Variants in NR3C1 observed in about 807,000 individuals in gnomAD.
NR3C1 encodes the protein glucocorticoid receptor.
A neutral mutation model predicts 74.0 loss-of-function variants in NR3C1; 14 were observed. That is an observed-to-expected ratio of 0.19 (90% confidence interval 0.12 to 0.30). NR3C1 has a LOEUF of 0.30. Among genes scored for constraint, NR3C1 ranks in the 10% least tolerant of loss-of-function variants. NR3C1 has a pLI of 1.00. For synonymous variants in NR3C1, 308 were observed against 332.5 expected (o/e 0.93, Z 0.80); for missense variants, 695 against 909.8 (o/e 0.76, Z 3.04).
upstream of NR3C1, chr5:143,405,353 G>A (rs1225100186): frequency 4.1e-6 from 4 of 985,580 alleles, no homozygotes; most frequent in African/African-American, 3.5e-5. Context: ...CGCTCAGACT[G>A]ACGGCGGCTC....
At chr5:143,383,630 C>A (rs998616018) in intron 2 of NR3C1, among the ~76,000 whole-genome samples, 2 of 152,132 alleles carry the variant, frequency 1.3e-5, no homozygotes, top group Admixed American at 6.5e-5. Context: ...ATAAGTGGCA[C>A]TAAATTGGTC....
chr5:143,386,435 G>A (rs1443480157), intron 2 of NR3C1, among the ~76,000 whole-genome samples: 9 of 152,216 alleles, frequency 5.9e-5, no homozygotes, highest in East Asian at 1.9e-4. Context: ...AATGGGATCC[G>A]CATCTGTTAA....
intron 1 of NR3C1, among the ~76,000 whole-genome samples, chr5:143,424,227 TA>T (rs1313084728): frequency 3.0e-5 from 2 of 66,560 alleles, no homozygotes; most frequent in Non-Finnish European, 5.4e-5. Context: ...ATAAATAAAA[TA>T]AAAAATAAAA....
intron 2 of NR3C1, among the ~76,000 whole-genome samples, chr5:143,327,721 T>G (rs2151682827): frequency 6.6e-6 from 1 of 152,330 alleles, no homozygotes; most frequent in African/African-American, 2.4e-5. Context: ...CCCTTAAATC[T>G]AAAAGCTCCA....
At chr5:143,403,006 T>G (rs4406157) in intron 1 of NR3C1, among the ~76,000 whole-genome samples, 145,397 of 148,144 alleles carry the variant, frequency 0.98, 71,411 homozygotes, top group East Asian at 1. Flanking sequence ...AGGGGACGCC[T>G]GCGGAGGGAG....
intron 7 of NR3C1, among the ~76,000 whole-genome samples, chr5:143,289,501 C>G (rs1815353685): frequency 6.6e-6 from 1 of 152,150 alleles, no homozygotes; most frequent in Admixed American, 6.5e-5. Flanking sequence ...CTTTTTAACC[C>G]TGGATTAAGC....
chr5:143,278,423 A>G lies in NR3C1; in HGVS notation c.*3466T>C, dbSNP rs886060037. On this transcript the variant is annotated 3_prime_UTR_variant, in exon 9 of 9. Transcript: ENST00000394464. Reference sequence around the variant, plus strand: ...ATCAGAAAATAAAATCCTTTCAGACATTTTCTAGAGAGAAGCAAATCCTTT... The same window carrying G: ...ATCAGAAAATAAAATCCTTTCAGACGTTTTCTAGAGAGAAGCAAATCCTTT... The G allele has an allele frequency of 2.0e-5, 3 of 152,172 alleles. No individual in the cohort carries two copies. The highest frequency in any genetic ancestry group is 6.5e-5 in the Admixed American group (1 of 15,274). The allele number at this position is 152,172 out of a possible 1,614,324, so 9.4% of individuals were successfully genotyped here.
intron 1 of NR3C1, among the ~76,000 whole-genome samples, chr5:143,429,100 T>A (rs761792641): frequency 1.3e-5 from 2 of 152,216 alleles, no homozygotes; most frequent in African/African-American, 2.4e-5. Flanking sequence ...CACTGCTTAA[T>A]AATAAATAAC....
intron 1 of NR3C1, chr5:143,402,806 G>C: frequency 2.0e-6 from 2 of 985,470 alleles, no homozygotes; most frequent in Non-Finnish European, 2.4e-6. Context: ...ATTCGGGCGA[G>C]TAAAATTCAG....
chr5:143,282,624 T>C lies in NR3C1; in HGVS notation c.2125A>G (p.Ser709Gly). The stretch of plus-strand genomic sequence containing the variant: ...TGATAAAACCGCTGCCAGTTCTGGC[T>C]GGAGTTTCCTTCCCTCTTGACAATG... ...KAIVKREGNS[S>G]QNWQRFYQLT... The change falls in exon 8 of 9, where the codon AGC (serine) becomes GGC (glycine). Residue 709 changes from serine to glycine, a missense_variant. This residue lies in a region of NR3C1 where 133 missense variants were observed against 287.9 expected (regional missense o/e 0.46). Transcript: ENST00000394464. 1 of 1,614,096 alleles carries C rather than the reference T, an allele frequency of 6.2e-7. No homozygotes were observed. Among genetic ancestry groups the C allele is most frequent in the Non-Finnish European group, 8.5e-7 (1 of 1,179,956 alleles).
At chr5:143,331,622 T>A (rs1825963264) in intron 2 of NR3C1, among the ~76,000 whole-genome samples, 1 of 152,188 alleles carries the variant, frequency 6.6e-6, no homozygotes, top group African/African-American at 2.4e-5. Flanking sequence ...TGAAATCATG[T>A]CCTTTGCGGC....
At chr5:143,282,761 C>A in intron 7 of NR3C1, 36 bp from the exon 8 acceptor site, 12 of 1,530,656 alleles carry the variant, frequency 7.8e-6, no homozygotes, top group Non-Finnish European at 9.7e-6. Flanking sequence ...AAAGGATTTT[C>A]TTTTTCTTTT....
chr5:143,402,763 T>C (rs1840561634), intron 1 of NR3C1: 1 of 985,268 alleles, frequency 1.0e-6, no homozygotes, highest in Non-Finnish European at 1.2e-6. Context: ...GAGCCCGGGC[T>C]CGCGCTCGGG....
In NR3C1 at chr5:143,314,191, T is replaced by A. The variant is rs764495096; in HGVS notation, c.1185-23A>T. 1.6e-5 allele frequency: 25 copies of A among 1,611,650 alleles called. No homozygotes were observed. In the East Asian group the frequency reaches 5.6e-4, roughly 36 times the overall value. The stretch of plus-strand genomic sequence containing the variant: ...GGGCTAAAGAAGGGGAAGAACAGTG[T>A]TATGATTTAACTGTCAAAGGAATAT... On this transcript the variant is annotated intron_variant, in intron 2 of 8. Transcript: ENST00000394464.
chr5:143,419,405 T>TATCC (rs1751098344), intron 1 of NR3C1, among the ~76,000 whole-genome samples: 4 of 152,184 alleles, frequency 2.6e-5, no homozygotes, highest in African/African-American at 9.6e-5. Flanking sequence ...AATGTGGCAT[T>TATCC]CCATGCAATA....
chr5:143,281,860 C>CTTTAAGGCAACCATTCTTATTAA lies in NR3C1; in HGVS notation c.*6_*28dup. 6.2e-7 allele frequency: 1 copy of CTTTAAGGCAACCATTCTTATTAA among 1,606,962 alleles called. No individual in the cohort carries two copies. The highest frequency in any genetic ancestry group is 8.5e-7 in the Non-Finnish European group (1 of 1,174,116). On this transcript the variant is annotated 3_prime_UTR_variant, in exon 9 of 9. Coordinates refer to ENST00000394464, the MANE Select transcript of NR3C1 (RefSeq NM_000176.3). Reference sequence around the variant, plus strand: ...CAATAAAAGCTATTAATTCGACTTTCTTTAAGGCAACCATTCTTATTAAGG... The same window carrying CTTTAAGGCAACCATTCTTATTAA: ...CAATAAAAGCTATTAATTCGACTTTCTTTAAGGCAACCATTCTTATTAATTTAAGGCAACCATTCTTATTAAGG...
intron 2 of NR3C1, among the ~76,000 whole-genome samples, chr5:143,374,832 A>C (rs1200125138): frequency 6.6e-6 from 1 of 151,982 alleles, no homozygotes; most frequent in Non-Finnish European, 1.5e-5. Context: ...TGCCCAGGAT[A>C]CGTTTTTAAG....
intron 2 of NR3C1, among the ~76,000 whole-genome samples, chr5:143,353,829 CACCAACT>C (rs1600208645): frequency 1.3e-5 from 2 of 152,184 alleles, no homozygotes; most frequent in African/African-American, 4.8e-5. Flanking sequence ...AACTTAAAGT[CACCAACT>C]ACATTAGCCC....
rs566977448 is a variant in NR3C1, at chr5:143,280,525, T to C, written c.*1364A>G. ...TTGGTAAGGTGCACACAGAAAGGGC[T>C]ACTACAGCTTCTATTTTGTTTAAAA... On this transcript the variant is annotated 3_prime_UTR_variant, in exon 9 of 9. Coordinates refer to ENST00000394464, the MANE Select transcript of NR3C1 (RefSeq NM_000176.3). 6.5e-6 allele frequency: 1 copy of C among 152,772 alleles called. No individual in the cohort carries two copies. The highest frequency in any genetic ancestry group is 2.1e-4 in the South Asian group (1 of 4,834). The allele number at this position is 152,772 out of a possible 1,614,324, so 9.5% of individuals were successfully genotyped here. A position where few individuals can be genotyped will look rare whatever the true frequency, so the allele number is the denominator to read the frequency against.
Sources: allele counts gnomAD v4.1 joint callset (sites outside exome capture counted in the v4.1 genomes callset), GRCh38; gene constraint gnomAD v4.1.1; regional missense constraint gnomAD v4.1.1; transcripts MANE v1.5; gene names NCBI Gene and HGNC (gene_info 2026-07-23, HGNC 2026-07-21).